The following UQCRB variants were observed in gnomAD, a reference collection of about 807,000 sequenced individuals.
UQCRB encodes ubiquinol-cytochrome c reductase binding protein.
UQCRB carries 12 observed loss-of-function variants against 19.8 expected under a neutral mutation model. That is an observed-to-expected ratio of 0.61 (90% CI 0.39 to 0.98). The LOEUF (loss-of-function observed/expected upper bound fraction) is 0.98. UQCRB is among the 50% of genes least tolerant of loss of function. The pLI, the probability that UQCRB is intolerant of heterozygous loss-of-function variation, is 0.00. For missense variants in UQCRB, 142 were observed against 131.8 expected (o/e 1.08, Z -0.38); for synonymous variants, 39 against 42.9 (o/e 0.91, Z 0.35).
At chr8:96,232,869 T>G (rs923058109) in intron 2 of UQCRB, 1 of 286,488 alleles carries the variant, frequency 3.5e-6, no homozygotes, top group African/African-American at 2.3e-5. Flanking sequence ...AAATTTTAAG[T>G]GGAAGAGTTG....
chr8:96,234,827 G>A, intron 1 of UQCRB: 1 of 158,494 alleles, frequency 6.3e-6, no homozygotes, highest in South Asian at 1.3e-4. Flanking sequence ...CCGCCAGAGG[G>A]CAGAGATTAG....
At position 96,231,807 on chromosome 8, in the gene UQCRB, G is replaced by T. The variant is rs1056370228; in HGVS notation, c.225C>A (p.Ile75=). The T allele has an allele frequency of 1.2e-6, 2 of 1,614,146 alleles. No homozygotes were observed. Among genetic ancestry groups the T allele is most frequent in the Admixed American group, 3.3e-5 (2 of 60,018 alleles). The change falls in exon 3 of 4, where the codon ATC becomes ATA. Residue 75 remains isoleucine, a synonymous_variant. Transcript: ENST00000287022. ...ATTTGGTCCACTGCTCTTTAGGCAAGATCTGATGCTTCAAGTTCAGGTCCA... is the reference window on the plus strand; with the variant it reads ...ATTTGGTCCACTGCTCTTTAGGCAATATCTGATGCTTCAAGTTCAGGTCCA... ...RALDLNLKHQ[I]LPKEQWTKYE...
rs879459693 is a variant in UQCRB, at chr8:96,230,575, A to C, written c.*480T>G. 2.2e-6 allele frequency: 1 copy of C among 454,462 alleles called. No homozygotes were observed. Among genetic ancestry groups the C allele is most frequent in the Non-Finnish European group, 4.4e-6 (1 of 227,078 alleles). 28.2% of individuals were successfully genotyped at this position (454,462 alleles called of 1,614,324 possible). A position where few individuals can be genotyped will look rare whatever the true frequency, so the allele number is the denominator to read the frequency against. ...CTAGTATACATGTTAGCACAGGAGT[A>C]TGTATATTACTTAAGTATGCCTATG... On this transcript the variant is annotated 3_prime_UTR_variant, in exon 4 of 4. Transcript: ENST00000287022.
At chr8:96,234,403 A>T in intron 1 of UQCRB, 1 of 811,040 alleles carries the variant, frequency 1.2e-6, no homozygotes, top group Non-Finnish European at 1.8e-6. Context: ...CTGTTACTAC[A>T]GAAGGGGAAG....
chr8:96,233,601 GA>G, intron 1 of UQCRB: 1 of 177,346 alleles, frequency 5.6e-6, no homozygotes, highest in South Asian at 1.3e-4. Context: ...TGGGAGATAG[GA>G]AAAGGACTTG....
At chr8:96,233,069 T>A in intron 2 of UQCRB, 87 bp downstream of exon 2, 1 of 1,308,038 alleles carries the variant, frequency 7.6e-7, no homozygotes. Context: ...CAGTAACACT[T>A]GCAAAAGCAA....
In UQCRB at chr8:96,233,574, C is replaced by T. The variant is rs1207665380; in HGVS notation, c.20-347G>A. 6 of 198,876 alleles carry T rather than the reference C, an allele frequency of 3.0e-5. No individual in the cohort carries two copies. The South Asian group carries it at 5.8e-4, about 19-fold the overall frequency. 12.3% of individuals were successfully genotyped at this position (198,876 alleles called of 1,614,324 possible). On this transcript the variant is annotated intron_variant, in intron 1 of 3. Transcript: ENST00000287022. ...TGTGCCCTTATGCCTGCCCTGTTAC[C>T]TTCAGAAATGAAGGGGTGGGAGATA...
intron 1 of UQCRB, chr8:96,233,729 A>G (rs1381540515): frequency 6.5e-6 from 1 of 154,650 alleles, no homozygotes. Flanking sequence ...ATAGACTGGC[A>G]GGTCTAAATG....
Position 96,227,037 on chromosome 8 carries a change from T to A in UQCRB, c.*4018A>T, listed in dbSNP as rs1305846921. Reference sequence around the variant, plus strand: ...AATATGAACGCCAGTATAACCAGAATGTAAACAAATTATGGCATATAAATT... The same window carrying A: ...AATATGAACGCCAGTATAACCAGAAAGTAAACAAATTATGGCATATAAATT... On this transcript the variant is annotated 3_prime_UTR_variant, in exon 4 of 4. Coordinates refer to ENST00000287022, the MANE Select transcript of UQCRB (RefSeq NM_006294.5). 2.2e-6 allele frequency: 1 copy of A among 453,882 alleles called. No homozygotes were observed. The highest frequency in any genetic ancestry group is 4.4e-6 in the Non-Finnish European group (1 of 226,746). The allele number at this position is 453,882 out of a possible 1,614,324, so 28.1% of individuals were successfully genotyped here.
At position 96,233,231 on chromosome 8, in the gene UQCRB, ATAAT is replaced by A; in HGVS notation, c.20-8_20-5del. The A allele has an allele frequency of 6.2e-7, 1 of 1,613,626 alleles. No homozygotes were observed. The highest frequency in any genetic ancestry group is 8.5e-7 in the Non-Finnish European group (1 of 1,179,860). ...AGCCACTTGCCTGATGCTGAAACTG[ATAAT>A]TGTCACACTGTTAATTGCTACAATT... On this transcript the variant is annotated splice_polypyrimidine_tract_variant and splice_region_variant and intron_variant, in intron 1 of 3. Transcript: ENST00000287022.
At position 96,225,751 on chromosome 8, in the gene UQCRB, G is replaced by C. The variant is rs570231256; in HGVS notation, c.*5304C>G. Among the ~76,000 whole-genome samples, 11 of 152,052 alleles carry C rather than the reference G, an allele frequency of 7.2e-5. No individual in the cohort carries two copies. The highest frequency in any genetic ancestry group is 2.7e-4 in the African/African-American group (11 of 41,486). On this transcript the variant is annotated 3_prime_UTR_variant, in exon 4 of 4. Coordinates refer to ENST00000287022, the MANE Select transcript of UQCRB (RefSeq NM_006294.5). The stretch of plus-strand genomic sequence containing the variant: ...AGGCCCTGATTCCCATCCAGGTTTA[G>C]TTAGTTTACCTTCTCCATGTTTCCA...
intron 1 of UQCRB, chr8:96,234,449 T>TCA (rs1416051389): frequency 7.9e-7 from 1 of 1,272,232 alleles, no homozygotes; most frequent in Admixed American, 2.3e-5. Flanking sequence ...AAGGTCAGAG[T>TCA]TAGCTAATGG....
In UQCRB at chr8:96,226,473, A is replaced by G. The variant is rs1035297829; in HGVS notation, c.*4582T>C. The G allele has an allele frequency of 1.7e-5, 3 of 178,832 alleles. No individual in the cohort carries two copies. Among genetic ancestry groups the G allele is most frequent in the African/African-American group, 7.2e-5 (3 of 41,570 alleles). 11.1% of individuals were successfully genotyped at this position (178,832 alleles called of 1,614,324 possible). A position where few individuals can be genotyped will look rare whatever the true frequency, so the allele number is the denominator to read the frequency against. The stretch of plus-strand genomic sequence containing the variant: ...AATCTTTAGACTAATGACTTGCCTA[A>G]ATCATTGGCCTCAGATCAGTGTTTC... On this transcript the variant is annotated 3_prime_UTR_variant, in exon 4 of 4. Coordinates refer to ENST00000287022, the MANE Select transcript of UQCRB (RefSeq NM_006294.5).
intron 1 of UQCRB, chr8:96,234,427 G>T: frequency 9.0e-7 from 1 of 1,110,380 alleles, no homozygotes; most frequent in Non-Finnish European, 1.2e-6. Context: ...GCTTACAGAA[G>T]TGATCCCACC....
intron 1 of UQCRB, chr8:96,234,728 TG>T (rs1809761005): frequency 2.8e-6 from 1 of 352,932 alleles, no homozygotes; most frequent in Non-Finnish European, 5.5e-6. Flanking sequence ...GACGAGATTG[TG>T]CCATTGCACT....
Position 96,234,339 on chromosome 8 carries a change from G to A in UQCRB, c.20-1112C>T, listed in dbSNP as rs148723265. ...ATAATATTCACTAAGCACTTATTGT[G>A]CACCAAACACTTTCCTATTTGCTTT... On this transcript the variant is annotated intron_variant, in intron 1 of 3. Transcript: ENST00000287022. 5 of 386,062 alleles carry A rather than the reference G, an allele frequency of 1.3e-5. No homozygotes were observed. The East Asian group carries it at 3.8e-4, about 29-fold the overall frequency. The allele number at this position is 386,062 out of a possible 1,614,324, so 23.9% of individuals were successfully genotyped here. A position where few individuals can be genotyped will look rare whatever the true frequency, so the allele number is the denominator to read the frequency against.
Position 96,223,149 on chromosome 8 carries a change from A to C in UQCRB, c.*7906T>G, listed in dbSNP as rs1809473958. Among the ~76,000 whole-genome samples, 1 of 152,086 alleles carries C rather than the reference A, an allele frequency of 6.6e-6. No homozygotes were observed. The highest frequency in any genetic ancestry group is 2.4e-5 in the African/African-American group (1 of 41,398). On this transcript the variant is annotated 3_prime_UTR_variant, in exon 4 of 4. Coordinates refer to ENST00000287022, the MANE Select transcript of UQCRB (RefSeq NM_006294.5). ...GACTATAATTATATTGTACACTAAA[A>C]ATTTGCTGAAAGTGTAGATTTTAGG...
chr8:96,235,525 A>C lies in UQCRB; in HGVS notation c.6T>G (p.Ala2=). The C allele has an allele frequency of 6.2e-7, 1 of 1,614,242 alleles. No homozygotes were observed. The highest frequency in any genetic ancestry group is 2.2e-5 in the East Asian group (1 of 44,886). M[A]GKQAVSASGK... ...CCAGTTACTTACCGGCCTGCTTACC[A>C]GCCATTTTGACCAGAAAGAGAAGCG... is the stretch of plus-strand genomic sequence containing the variant. Residue 2 remains alanine, a synonymous_variant, in exon 1 of 4, where the codon GCT becomes GCG. Coordinates refer to ENST00000287022, the MANE Select transcript of UQCRB (RefSeq NM_006294.5).
Position 96,230,962 on chromosome 8 carries a change from TA to T in UQCRB, c.*92del. On this transcript the variant is annotated 3_prime_UTR_variant, in exon 4 of 4. Transcript: ENST00000287022. ...CATTACAATAGACATTTATTTAAAG[TA>T]AAACATCTTCAGACCAAATAATTCT... 1.5e-6 allele frequency: 2 copies of T among 1,335,976 alleles called. No individual in the cohort carries two copies. The highest frequency in any genetic ancestry group is 2.2e-6 in the Non-Finnish European group (2 of 929,152). 82.8% of individuals were successfully genotyped at this position (1,335,976 alleles called of 1,614,324 possible).
Sources: allele counts gnomAD v4.1 joint callset (sites outside exome capture counted in the v4.1 genomes callset), GRCh38; gene constraint gnomAD v4.1.1; transcripts MANE v1.5; gene names NCBI Gene and HGNC (gene_info 2026-07-23, HGNC 2026-07-21).